CFAP53: variants seen among roughly 807,000 people sequenced by gnomAD.
CFAP53 encodes cilia and flagella associated protein 53, also known as cilia- and flagella-associated protein 53.
Under a neutral mutation model 59.7 loss-of-function variants are expected in CFAP53, and 62 were observed. The ratio of observed to expected loss-of-function variants is 1.04; its 90% CI spans 0.85 to 1.28. The LOEUF is 1.28. CFAP53 is among the 50% of genes most tolerant of loss of function. The pLI is 0.00. For missense variants in CFAP53, 629 were observed against 615.6 expected (o/e 1.02, Z -0.23); for synonymous variants, 218 against 205.7 (o/e 1.06, Z -0.51).
chr18:50,257,364 G>A (rs1436061876), intron 3 of CFAP53, among the ~76,000 whole-genome samples: 3 of 152,054 alleles, frequency 2.0e-5, no homozygotes, highest in Non-Finnish European at 2.9e-5. Context: ...TCTTATATTT[G>A]GAAAAATCTA....
At chr18:50,258,539 C>T (rs1019073683) in intron 3 of CFAP53, among the ~76,000 whole-genome samples, 2 of 152,164 alleles carry the variant, frequency 1.3e-5, no homozygotes, top group Admixed American at 1.3e-4. Context: ...GGACATTGGA[C>T]TGGGCAAAGA....
At chr18:50,262,338 C>T in intron 1 of CFAP53, 119 bp from the exon 2 acceptor site, 1 of 728,780 alleles carries the variant, frequency 1.4e-6, no homozygotes. Flanking sequence ...AAAACTAATA[C>T]ATCCTACTAC....
rs550980494 is a variant in CFAP53 at position 50,230,360 on chromosome 18, G to C, written c.1317-2751C>G. Among the ~76,000 whole-genome samples the C allele has an allele frequency of 3.9e-5, 6 of 152,270 alleles. No individual in the cohort carries two copies. The South Asian group carries it at 1.2e-3, about 32-fold the overall frequency. ...CTGACCTCTTGGGAGGGGAAGGTGG[G>C]GGCTGGAGATGAAGCTCTAAAAACT... On this transcript the variant is annotated intron_variant, in intron 7 of 7. Coordinates refer to ENST00000398545, the MANE Select transcript of CFAP53 (RefSeq NM_145020.5).
chr18:50,250,310 A>C (rs1243964884), intron 5 of CFAP53, among the ~76,000 whole-genome samples: 2 of 152,164 alleles, frequency 1.3e-5, no homozygotes, highest in East Asian at 1.9e-4. Flanking sequence ...AACAAGAAAA[A>C]GCACTTGTGG....
intron 7 of CFAP53, among the ~76,000 whole-genome samples, chr18:50,235,269 A>G (rs1293381999): frequency 6.6e-6 from 1 of 152,122 alleles, no homozygotes; most frequent in African/African-American, 2.4e-5. Flanking sequence ...TCCCATCTAT[A>G]ATAAAGCTCA....
chr18:50,229,972 G>A (rs1306886215), intron 7 of CFAP53, among the ~76,000 whole-genome samples: 1 of 151,826 alleles, frequency 6.6e-6, no homozygotes, highest in East Asian at 1.9e-4. Context: ...TGCACAGGCC[G>A]GTCTCAAACT....
chr18:50,249,845 C>T (rs530943739), intron 5 of CFAP53, among the ~76,000 whole-genome samples: 1 of 152,158 alleles, frequency 6.6e-6, no homozygotes, highest in African/African-American at 2.4e-5. Flanking sequence ...CAAGATATTA[C>T]CATTGAGGGA....
chr18:50,237,351 TACGCACAC>T (rs1159049455), intron 7 of CFAP53, among the ~76,000 whole-genome samples: 2 of 16,320 alleles, frequency 1.2e-4, no homozygotes, highest in African/African-American at 1.7e-4. Flanking sequence ...TATATATATA[TACGCACAC>T]ATATATATAC....
At chr18:50,256,398 T>C (rs1274160632) in intron 3 of CFAP53, 2 of 152,106 alleles carry the variant, frequency 1.3e-5, no homozygotes, top group Non-Finnish European at 2.9e-5. Flanking sequence ...CCTCTTTTGG[T>C]TACCTCAAGC....
chr18:50,253,017 T>C (rs1309304638), intron 3 of CFAP53, among the ~76,000 whole-genome samples: 1 of 151,438 alleles, frequency 6.6e-6, no homozygotes, highest in Non-Finnish European at 1.5e-5. Context: ...AGACCCTGTT[T>C]CTTTTTTTTT....
intron 3 of CFAP53, among the ~76,000 whole-genome samples, chr18:50,260,200 G>T (rs2033878314): frequency 6.6e-6 from 1 of 152,126 alleles, no homozygotes. Flanking sequence ...ACAATGAAAA[G>T]GGATACAGAG....
intron 7 of CFAP53, among the ~76,000 whole-genome samples, chr18:50,230,284 G>C (rs1355101721): frequency 6.6e-6 from 1 of 152,158 alleles, no homozygotes; most frequent in Non-Finnish European, 1.5e-5. Context: ...GATGGGGTTG[G>C]TCACTAGAAA....
chr18:50,251,062 G>T, intron 4 of CFAP53, 86 bp from the exon 5 acceptor site: 1 of 1,113,332 alleles, frequency 9.0e-7, no homozygotes, highest in Non-Finnish European at 1.3e-6. Flanking sequence ...TGGGAATAAA[G>T]GATTTCTGGA....
intron 7 of CFAP53, among the ~76,000 whole-genome samples, chr18:50,233,988 G>T (rs2033606857): frequency 1.3e-5 from 2 of 152,194 alleles, no homozygotes; most frequent in South Asian, 4.1e-4. Context: ...GTTCACCTCT[G>T]CATCAGAAAA....
intron 5 of CFAP53, among the ~76,000 whole-genome samples, chr18:50,249,057 G>A (rs1373598390): frequency 6.6e-6 from 1 of 151,536 alleles, no homozygotes; most frequent in African/African-American, 2.4e-5. Context: ...ACAAAAATTA[G>A]CCAGACGCAG....
chr18:50,248,041 A>T (rs961396445), intron 5 of CFAP53, among the ~76,000 whole-genome samples: 2 of 152,092 alleles, frequency 1.3e-5, no homozygotes, highest in African/African-American at 4.8e-5. Flanking sequence ...AATGGACAAA[A>T]ACCAGGAGTT....
At chr18:50,246,647 T>C (rs2033747958) in intron 5 of CFAP53, among the ~76,000 whole-genome samples, 1 of 152,186 alleles carries the variant, frequency 6.6e-6, no homozygotes, top group African/African-American at 2.4e-5. Context: ...TTTAAAACTT[T>C]TGTGATTCAA....
At chr18:50,253,841 T>C (rs1054014233) in intron 3 of CFAP53, among the ~76,000 whole-genome samples, 10 of 152,164 alleles carry the variant, frequency 6.6e-5, no homozygotes, top group Non-Finnish European at 7.4e-5. Context: ...GAGGCAAGAC[T>C]ACCTCTGATC....
chr18:50,256,362 C>G (rs113394250), intron 3 of CFAP53: 12 of 152,164 alleles, frequency 7.9e-5, no homozygotes, highest in African/African-American at 2.7e-4. Flanking sequence ...GCATGCTTTA[C>G]ACAGGCTTGA....
Sources: gnomAD v4.1 joint callset for allele counts (sites outside exome capture counted in the v4.1 genomes callset) on GRCh38, gnomAD v4.1.1 for gene constraint, MANE v1.5 for transcripts, NCBI Gene and HGNC (gene_info 2026-07-23, HGNC 2026-07-21) for gene names.